CCDC33: variants seen among roughly 807,000 people sequenced by gnomAD.
CCDC33 encodes the protein coiled-coil domain containing 33.
CCDC33 carries 94 observed loss-of-function variants against 91.9 expected under a neutral mutation model. That is an observed-to-expected ratio of 1.02 (90% CI 0.87 to 1.21). CCDC33 has a LOEUF of 1.21. CCDC33 is among the 50% of genes most tolerant of loss of function. The pLI, the probability that CCDC33 is intolerant of heterozygous loss-of-function variation, is 0.00. For missense variants in CCDC33, 940 were observed against 935.5 expected, an observed-to-expected ratio of 1.00 and a Z score of -0.06; for synonymous variants, 396 against 374.5, an observed-to-expected ratio of 1.06 and a Z score of -0.66.
At chr15:74,333,214 A>G in intron 16 of CCDC33, 2 of 1,577,894 alleles carry the variant, frequency 1.3e-6, no homozygotes, top group Non-Finnish European at 1.7e-6. Context: ...GCCCTTTTCC[A>G]TCCCAGGTGG....
intron 11 of CCDC33, among the ~76,000 whole-genome samples, chr15:74,324,134 C>T (rs1484617125): frequency 2.7e-5 from 4 of 150,428 alleles, no homozygotes; most frequent in Non-Finnish European, 5.9e-5. Flanking sequence ...TGTGCCTGAC[C>T]TGCTTTGCTT....
chr15:74,240,478 C>T (rs994888599), intron 1 of CCDC33, among the ~76,000 whole-genome samples: 1 of 152,226 alleles, frequency 6.6e-6, no homozygotes, highest in Non-Finnish European at 1.5e-5. Flanking sequence ...GAACTTCAGG[C>T]ACAGTAACCA....
intron 7 of CCDC33, among the ~76,000 whole-genome samples, chr15:74,273,570 G>A (rs1403265472): frequency 6.6e-6 from 1 of 151,930 alleles, no homozygotes; most frequent in East Asian, 1.9e-4. Flanking sequence ...CCGGGTTCAA[G>A]CAATTCTCCT....
chr15:74,278,089 G>A (rs1566992510), intron 7 of CCDC33, among the ~76,000 whole-genome samples: 1 of 152,184 alleles, frequency 6.6e-6, no homozygotes, highest in African/African-American at 2.4e-5. Context: ...GGACCTGTTG[G>A]CCAAGCTCCC....
At chr15:74,232,705 G>C (rs390760), upstream of CCDC33, among the ~76,000 whole-genome samples, 1 of 152,172 alleles carries the variant, frequency 6.6e-6, no homozygotes. Flanking sequence ...TTTGGTTCCC[G>C]TCCTTATCCA....
At chr15:74,207,569 T>C (rs1189403997) in intron 1 of CCDC33, 2 of 904,666 alleles carry the variant, frequency 2.2e-6, no homozygotes, top group South Asian at 1.6e-5. Context: ...AGCCCTTGAC[T>C]CTGAGTCCAG....
intron 1 of CCDC33, chr15:74,209,083 C>T: frequency 7.9e-7 from 1 of 1,273,126 alleles, no homozygotes; most frequent in Non-Finnish European, 9.9e-7. Context: ...TGCCCCTCCT[C>T]CTGCCCTCAC....
chr15:74,257,872 C>T (rs1169852550), intron 2 of CCDC33, among the ~76,000 whole-genome samples: 2 of 152,228 alleles, frequency 1.3e-5, no homozygotes, highest in South Asian at 2.1e-4. Flanking sequence ...CTGGGTTTTT[C>T]AGAGCTTCCA....
chr15:74,265,489 C>G (rs2076142371), intron 3 of CCDC33, among the ~76,000 whole-genome samples: 1 of 152,170 alleles, frequency 6.6e-6, no homozygotes, highest in African/African-American at 2.4e-5. Flanking sequence ...AAATTCAACC[C>G]TTCCTATCAT....
intron 6 of CCDC33, 21 bp from the exon 7 acceptor site, chr15:74,272,750 C>T: frequency 6.2e-7 from 1 of 1,612,926 alleles, no homozygotes; most frequent in Non-Finnish European, 8.5e-7. Flanking sequence ...GAGCACTGAC[C>T]CTGTCTCCCT....
intron 11 of CCDC33, among the ~76,000 whole-genome samples, chr15:74,329,095 T>G (rs1164446871): frequency 6.6e-6 from 1 of 152,194 alleles, no homozygotes; most frequent in Non-Finnish European, 1.5e-5. Context: ...TTGTGAAACT[T>G]TATAAATAAC....
chr15:74,257,130 G>A (rs1053588454), intron 2 of CCDC33, among the ~76,000 whole-genome samples: 7 of 152,212 alleles, frequency 4.6e-5, no homozygotes, highest in Non-Finnish European at 8.8e-5. Flanking sequence ...GTAAACTGAG[G>A]CCCACCTGCA....
intron 11 of CCDC33, among the ~76,000 whole-genome samples, chr15:74,307,010 G>A (rs2059904967): frequency 6.6e-6 from 1 of 152,182 alleles, no homozygotes. Context: ...AAGGCAGGCA[G>A]AGGTGGGACA....
chr15:74,217,666 G>A, intron 1 of CCDC33: 5 of 1,044,206 alleles, frequency 4.8e-6, no homozygotes, highest in Non-Finnish European at 6.1e-6. Flanking sequence ...GAGAGCCTCA[G>A]GAGAACTGGG....
rs1395030262 is a variant in CCDC33 at position 74,332,701 on chromosome 15, T to C, written c.1794T>C (p.Ser598=). ...PYTGFPMLSA[S]GLPLGSMGEN... ...TAGGCTTCCCTATGCTCTCAGCCTC[T>C]GGCCTTCCCTTGGGTTCTATGGGAG... is the stretch of plus-strand genomic sequence containing the variant. Residue 598 remains serine, a synonymous_variant, in exon 16 of 19, where the codon TCT becomes TCC. Transcript: ENST00000398814. 14 of 1,614,098 alleles carry C rather than the reference T, an allele frequency of 8.7e-6. No individual in the cohort carries two copies. The highest frequency in any genetic ancestry group is 1.2e-5 in the Non-Finnish European group (14 of 1,180,022).
chr15:74,215,939 G>A (rs1309231326), upstream of CCDC33, among the ~76,000 whole-genome samples: 1 of 151,972 alleles, frequency 6.6e-6, no homozygotes, highest in Non-Finnish European at 1.5e-5. Flanking sequence ...GGAAAGAAGG[G>A]AGAGCAAGGG....
At position 74,261,396 on chromosome 15, in the gene CCDC33, G is replaced by A. The variant is rs566627503; in HGVS notation, c.186-1044G>A. On this transcript the variant is annotated intron_variant, in intron 2 of 18. Transcript: ENST00000398814. Reference sequence around the variant, plus strand: ...GGCTGGGAAGAACCATGTTGGTATTGCTAATGCACAGAGAAGGTGGGGTCT... The same window carrying A: ...GGCTGGGAAGAACCATGTTGGTATTACTAATGCACAGAGAAGGTGGGGTCT... Among the ~76,000 whole-genome samples, 14 of 152,340 alleles carry A rather than the reference G, an allele frequency of 9.2e-5. 1 individual carries two copies. In the South Asian group the frequency reaches 2.9e-3, roughly 32 times the overall value.
chr15:74,274,558 G>C lies in CCDC33; in HGVS notation c.759+1667G>C, dbSNP rs545207490. Among the ~76,000 whole-genome samples the C allele has an allele frequency of 9.9e-4, 151 of 152,286 alleles. 1 individual carries two copies. The highest frequency in any genetic ancestry group is 1.5e-3 in the Non-Finnish European group (100 of 68,012). ...GGTAGAGTGATGGTGGTGGGGAGGA[G>C]TGGGACAAAGGGGGACCCTGGGGAC... On this transcript the variant is annotated intron_variant, in intron 7 of 18. Transcript: ENST00000398814.
At chr15:74,221,469 C>A in intron 2 of CCDC33, 1 of 220,860 alleles carries the variant, frequency 4.5e-6, no homozygotes, top group Non-Finnish European at 7.6e-6. Flanking sequence ...ATGGCCCTGC[C>A]AATGCTGGTC....
Sources: gnomAD v4.1 joint callset for allele counts (sites outside exome capture counted in the v4.1 genomes callset) on GRCh38, gnomAD v4.1.1 for gene constraint, MANE v1.5 for transcripts, NCBI Gene and HGNC (gene_info 2026-07-23, HGNC 2026-07-21) for gene names.